The following ZCCHC24 variants were observed in gnomAD, a reference collection of about 807,000 sequenced individuals.
ZCCHC24 encodes zinc finger CCHC domain-containing protein 24.
Under a neutral mutation model 26.2 loss-of-function variants are expected in ZCCHC24, and 10 were observed. That is an observed-to-expected ratio of 0.38 (90% CI 0.24 to 0.65). The LOEUF is 0.65. Ranked by LOEUF, ZCCHC24 falls within the 30% of genes least tolerant of loss-of-function variation. The pLI, the probability that ZCCHC24 is intolerant of heterozygous loss-of-function variation, is 0.54. For synonymous variants in ZCCHC24, 144 were observed against 147.1 expected (o/e 0.98, Z 0.15); for missense variants, 243 against 329.1 (o/e 0.74, Z 2.03).
Position 79,445,318 on chromosome 10 carries a change from C to G in ZCCHC24, c.123G>C (p.Arg41=). The G allele has an allele frequency of 6.6e-7, 1 of 1,517,400 alleles. No homozygotes were observed. Among genetic ancestry groups the G allele is most frequent in the Non-Finnish European group, 8.8e-7 (1 of 1,134,464 alleles). The allele number at this position is 1,517,400 out of a possible 1,614,324, so 94.0% of individuals were successfully genotyped here. A position where few individuals can be genotyped will look rare whatever the true frequency, so the allele number is the denominator to read the frequency against. ...GTGCGGCGCCGGCGGTCGGCTCGGG[C>G]CGGAAGGCATCGAAGGCGCTAGCCT... The part of the protein sequence containing the change: ...THQASAFDAF[R]PEPTAGAAPP... Residue 41 remains arginine, a synonymous_variant, in exon 1 of 4, where the codon CGG becomes CGC. Transcript: ENST00000372336.
chr10:79,405,573 T>C (rs1013837866), intron 2 of ZCCHC24, among the ~76,000 whole-genome samples: 5 of 152,242 alleles, frequency 3.3e-5, no homozygotes, highest in African/African-American at 1.2e-4. Context: ...CAGCGCCATT[T>C]GCACAGGGCA....
chr10:79,411,039 G>A (rs185798862), intron 2 of ZCCHC24, among the ~76,000 whole-genome samples: 23 of 152,284 alleles, frequency 1.5e-4, no homozygotes, highest in Admixed American at 1.4e-3. Context: ...GGAAGGTGAT[G>A]ACGGTGTCTT....
chr10:79,442,736 T>C (rs766001370), intron 1 of ZCCHC24, among the ~76,000 whole-genome samples: 4 of 152,246 alleles, frequency 2.6e-5, no homozygotes, highest in East Asian at 3.9e-4. Context: ...TTGGTGGCAT[T>C]GGGGTGGGGG....
At chr10:79,399,229 C>T (rs2145997) in intron 2 of ZCCHC24, among the ~76,000 whole-genome samples, 123,923 of 152,220 alleles carry the variant, frequency 0.81, 50,636 homozygotes, top group East Asian at 0.92. Flanking sequence ...TCAGTCCCGA[C>T]GTTGTTTATG....
At chr10:79,441,022 C>T (rs72820331) in intron 1 of ZCCHC24, among the ~76,000 whole-genome samples, 10,933 of 151,304 alleles carry the variant, frequency 0.072, 488 homozygotes, top group South Asian at 0.16. Context: ...AGCATCCTCC[C>T]GAACTCTGGG....
At chr10:79,439,198 G>C (rs1254861681) in intron 1 of ZCCHC24, among the ~76,000 whole-genome samples, 2 of 152,204 alleles carry the variant, frequency 1.3e-5, no homozygotes, top group East Asian at 3.9e-4. Context: ...AGAAACTCTA[G>C]TTGTCTTCAG....
At position 79,401,873 on chromosome 10, in the gene ZCCHC24, C is replaced by CCTGCCCGGT. The variant is rs561159565; in HGVS notation, c.448-7442_448-7434dup. Among the ~76,000 whole-genome samples, 397 of 152,360 alleles carry CCTGCCCGGT rather than the reference C, an allele frequency of 2.6e-3. 4 individuals carry two copies. The highest frequency in any genetic ancestry group is 8.9e-3 in the African/African-American group (371 of 41,592). ...AGATGGGCTGCCTGCTGGCCCCTGT[C>CCTGCCCGGT]CTGCCCGGTCTGCCCAGTCTGCGTG... On this transcript the variant is annotated intron_variant, in intron 2 of 3. Coordinates refer to ENST00000372336, the MANE Select transcript of ZCCHC24 (RefSeq NM_153367.4).
At chr10:79,433,340 T>G (rs577353783) in intron 1 of ZCCHC24, among the ~76,000 whole-genome samples, 23 of 151,468 alleles carry the variant, frequency 1.5e-4, no homozygotes, top group Admixed American at 1.3e-3. Flanking sequence ...GCTTGTGTAG[T>G]CTGTGTGTGG....
intron 1 of ZCCHC24, among the ~76,000 whole-genome samples, chr10:79,436,704 A>T (rs1857222091): frequency 6.6e-6 from 1 of 152,354 alleles, no homozygotes; most frequent in East Asian, 1.9e-4. Context: ...GGCCTGCCCA[A>T]TTGACAGATA....
chr10:79,391,715 G>A (rs571007308), intron 3 of ZCCHC24, among the ~76,000 whole-genome samples: 7 of 151,210 alleles, frequency 4.6e-5, no homozygotes, highest in South Asian at 2.1e-4. Context: ...GCTATCCTCC[G>A]GGCCCCCGGT....
chr10:79,428,425 A>AAGATAAATTTCAGTTTTGCAAGAT (rs1554842164), intron 2 of ZCCHC24, among the ~76,000 whole-genome samples: 2 of 37,884 alleles, frequency 5.3e-5, no homozygotes, highest in Non-Finnish European at 5.6e-5. Flanking sequence ...TCAGTTTTGC[A>AAGATAAATTTCAGTTTTGCAAGAT]AGATAAATTT....
chr10:79,429,587 A>AT (rs1288454552), intron 2 of ZCCHC24, among the ~76,000 whole-genome samples: 1 of 152,186 alleles, frequency 6.6e-6, no homozygotes, highest in Non-Finnish European at 1.5e-5. Context: ...TCTCAAAAAA[A>AT]TAAAAAAAAG....
At chr10:79,438,059 A>C (rs1311606631) in intron 1 of ZCCHC24, among the ~76,000 whole-genome samples, 1 of 152,160 alleles carries the variant, frequency 6.6e-6, no homozygotes, top group Non-Finnish European at 1.5e-5. Flanking sequence ...CGTCTGGGCC[A>C]GGCTACCAGG....
intron 1 of ZCCHC24, among the ~76,000 whole-genome samples, chr10:79,440,476 T>C (rs1019430644): frequency 8.5e-5 from 13 of 152,168 alleles, no homozygotes; most frequent in Middle Eastern, 3.2e-3. Context: ...CTTGATAGGA[T>C]GGCCCCGTCC....
At chr10:79,436,479 C>A (rs2132222157) in intron 1 of ZCCHC24, among the ~76,000 whole-genome samples, 1 of 152,342 alleles carries the variant, frequency 6.6e-6, no homozygotes, top group East Asian at 1.9e-4. Flanking sequence ...CCAGCGTAGC[C>A]CAGTCAGCAC....
At chr10:79,428,976 G>C (rs181431914) in intron 2 of ZCCHC24, among the ~76,000 whole-genome samples, 1 of 152,278 alleles carries the variant, frequency 6.6e-6, no homozygotes, top group African/African-American at 2.4e-5. Flanking sequence ...AAAGAGTTCA[G>C]AGCAGTCATC....
chr10:79,428,500 C>A (rs1857077598), intron 2 of ZCCHC24, among the ~76,000 whole-genome samples: 1 of 107,554 alleles, frequency 9.3e-6, no homozygotes, highest in African/African-American at 3.6e-5. Flanking sequence ...AAAAAGAGCT[C>A]TGTGGCTGGA....
At chr10:79,403,599 C>T (rs1257464511) in intron 2 of ZCCHC24, 10 of 985,268 alleles carry the variant, frequency 1.0e-5, no homozygotes, top group Non-Finnish European at 1.2e-5. Context: ...AGAGGCCACC[C>T]GGGGCTTCCT....
chr10:79,396,675 T>C (rs922125620), intron 2 of ZCCHC24, among the ~76,000 whole-genome samples: 1 of 152,230 alleles, frequency 6.6e-6, no homozygotes, highest in South Asian at 2.1e-4. Context: ...GAATCAGAAC[T>C]GCATTTTAAC....
Sources: gnomAD v4.1 joint callset for allele counts (sites outside exome capture counted in the v4.1 genomes callset) on GRCh38, gnomAD v4.1.1 for gene constraint, MANE v1.5 for transcripts, NCBI Gene and HGNC (gene_info 2026-07-23, HGNC 2026-07-21) for gene names.